Variants in ANKIB1 observed in about 807,000 individuals in gnomAD.
ANKIB1 encodes the protein ankyrin repeat and IBR domain-containing protein 1.
In ANKIB1, 43 loss-of-function variants were observed where a neutral mutation model predicts 122.1. The observed-to-expected ratio is 0.35, with a 90% CI of 0.28 to 0.45. The LOEUF is 0.45. ANKIB1 is among the 20% of genes least tolerant of loss of function. ANKIB1 has a pLI of 1.00. For missense variants in ANKIB1, 992 were observed against 1,329.5 expected, an observed-to-expected ratio of 0.75 and a Z score of 3.95; for synonymous variants, 390 against 442.0, an observed-to-expected ratio of 0.88 and a Z score of 1.48.
At position 92,343,170 on chromosome 7, in the gene ANKIB1, C is replaced by A. The variant is rs747057661; in HGVS notation, c.934C>A (p.Arg312Ser). Residue 312 changes from arginine (R) to serine (S), a missense_variant, in exon 6 of 20, where the codon CGC (arginine) becomes AGC (serine). Coordinates refer to ENST00000265742, the MANE Select transcript of ANKIB1 (RefSeq NM_019004.2). ...ATCTCCAAGAACTCCAAGGACTACA[C>A]GCTCTTCTGTCACCTCCCCAGATGA... ...LPSPRTPRTT[R>S]SSVTSPDEIS... 3 of 1,613,984 alleles carry A rather than the reference C, an allele frequency of 1.9e-6. No individual in the cohort carries two copies. Among genetic ancestry groups the A allele is most frequent in the African/African-American group, 1.3e-5 (1 of 75,046 alleles).
rs889436122 is a variant in ANKIB1, at chr7:92,303,975, G to T, written c.189-3384G>T. Among the ~76,000 whole-genome samples, 3 of 151,930 alleles carry T rather than the reference G, an allele frequency of 2.0e-5. No homozygotes were observed. In the East Asian group the frequency reaches 5.8e-4, roughly 29 times the overall value. On this transcript the variant is annotated intron_variant, in intron 2 of 19. Transcript: ENST00000265742. ...TGGGTTATTAGGGTCACATGAAAGG[G>T]ATGGATTTTTTCCCCAGGTTAATGT...
At chr7:92,374,521 CTT>C (rs998193318) in intron 11 of ANKIB1, among the ~76,000 whole-genome samples, 2 of 151,896 alleles carry the variant, frequency 1.3e-5, no homozygotes, top group African/African-American at 4.8e-5. Context: ...TACAAGATGT[CTT>C]TTAGAAATTT....
intron 4 of ANKIB1, chr7:92,319,825 C>T (rs998074842): frequency 4.3e-6 from 1 of 229,898 alleles, no homozygotes; most frequent in Non-Finnish European, 8.4e-6. Flanking sequence ...GTCCTAACTA[C>T]TCAGGAGGCT....
At chr7:92,324,871 C>T (rs1474844069) in intron 4 of ANKIB1, among the ~76,000 whole-genome samples, 3 of 152,178 alleles carry the variant, frequency 2.0e-5, no homozygotes, top group Non-Finnish European at 4.4e-5. Flanking sequence ...CTGCTAGACA[C>T]TGTTTTAGAT....
intron 17 of ANKIB1, 92 bp downstream of exon 17, chr7:92,392,384 A>T: frequency 8.6e-7 from 1 of 1,157,768 alleles, no homozygotes; most frequent in Non-Finnish European, 1.2e-6. Flanking sequence ...TCCTTCTGAG[A>T]TTATCAGCAG....
At chr7:92,313,407 CTG>C (rs1395353990) in intron 3 of ANKIB1, among the ~76,000 whole-genome samples, 1 of 152,222 alleles carries the variant, frequency 6.6e-6, no homozygotes, top group South Asian at 2.1e-4. Context: ...AGTTTTAAAA[CTG>C]TGTAAAGAAT....
At chr7:92,370,954 G>T (rs1163996102) in intron 10 of ANKIB1, among the ~76,000 whole-genome samples, 3 of 152,168 alleles carry the variant, frequency 2.0e-5, no homozygotes, top group Non-Finnish European at 4.4e-5. Context: ...TGTAATAAAT[G>T]AGATGCTTAG....
chr7:92,267,469 C>T (rs1360904012), intron 1 of ANKIB1, among the ~76,000 whole-genome samples: 1 of 152,124 alleles, frequency 6.6e-6, no homozygotes, highest in African/African-American at 2.4e-5. Flanking sequence ...TAAGGTGAAT[C>T]ATGTAGTATA....
intron 3 of ANKIB1, among the ~76,000 whole-genome samples, chr7:92,318,303 G>C (rs137985176): frequency 1.3e-5 from 2 of 152,178 alleles, no homozygotes; most frequent in East Asian, 3.9e-4. Flanking sequence ...ATCACCTGAA[G>C]TCAGGAGTTC....
chr7:92,355,879 ATAATAATAG>A (rs1166353978), intron 9 of ANKIB1, among the ~76,000 whole-genome samples: 2 of 147,802 alleles, frequency 1.4e-5, no homozygotes, highest in African/African-American at 5.0e-5. Context: ...AATAATAATA[ATAATAATAG>A]TAATAGTAAT....
chr7:92,273,834 A>G (rs546548276), intron 1 of ANKIB1, among the ~76,000 whole-genome samples: 1 of 151,404 alleles, frequency 6.6e-6, no homozygotes, highest in Non-Finnish European at 1.5e-5. Flanking sequence ...GTGCAGTGAC[A>G]TGATCAAAAC....
chr7:92,347,273 G>A (rs1803560595), intron 7 of ANKIB1, among the ~76,000 whole-genome samples: 2 of 147,594 alleles, frequency 1.4e-5, no homozygotes, highest in African/African-American at 5.1e-5. Context: ...AGAACATTAT[G>A]AGTTTTTTTT....
Position 92,391,243 on chromosome 7 carries a change from C to T in ANKIB1, c.2130C>T (p.Ile710=), listed in dbSNP as rs1358018685. The T allele has an allele frequency of 3.1e-6, 5 of 1,613,360 alleles. No homozygotes were observed. Among genetic ancestry groups the T allele is most frequent in the Non-Finnish European group, 4.2e-6 (5 of 1,179,672 alleles). Residue 710 remains isoleucine, a synonymous_variant, in exon 16 of 20, where the codon ATC becomes ATT. Coordinates refer to ENST00000265742, the MANE Select transcript of ANKIB1 (RefSeq NM_019004.2). The part of the protein sequence containing the change: ...RPYLRTPRHK[I]IKAACLVQQK... The stretch of plus-strand genomic sequence containing the variant: ...ACCTTCGCACACCCCGCCACAAGAT[C>T]ATCAAAGCAGCATGCCTTGTACAGC...
chr7:92,293,766 T>C (rs191962684), intron 1 of ANKIB1, among the ~76,000 whole-genome samples: 3 of 152,368 alleles, frequency 2.0e-5, no homozygotes, highest in Non-Finnish European at 2.9e-5. Context: ...GACTCTGAAC[T>C]CTATTCATAC....
At chr7:92,288,159 G>A (rs1388553655) in intron 1 of ANKIB1, among the ~76,000 whole-genome samples, 1 of 150,814 alleles carries the variant, frequency 6.6e-6, no homozygotes, top group African/African-American at 2.4e-5. Flanking sequence ...TATCACATTT[G>A]CAGAATACAG....
At chr7:92,334,625 A>C (rs1457426300) in intron 5 of ANKIB1, among the ~76,000 whole-genome samples, 1 of 152,022 alleles carries the variant, frequency 6.6e-6, no homozygotes, top group Admixed American at 6.5e-5. Flanking sequence ...AATGGCTCTC[A>C]TGATTTTTAT....
intron 5 of ANKIB1, among the ~76,000 whole-genome samples, chr7:92,329,619 G>A (rs1340599879): frequency 6.6e-6 from 1 of 152,136 alleles, no homozygotes; most frequent in East Asian, 1.9e-4. Flanking sequence ...ACAATCTATG[G>A]ATGATCACAG....
intron 10 of ANKIB1, among the ~76,000 whole-genome samples, chr7:92,367,578 C>T (rs1223031488): frequency 6.6e-6 from 1 of 151,722 alleles, no homozygotes; most frequent in East Asian, 1.9e-4. Context: ...TTCTTTATGC[C>T]CAGTTTTCCG....
chr7:92,362,789 A>G (rs1166169701), intron 10 of ANKIB1, among the ~76,000 whole-genome samples: 1 of 152,222 alleles, frequency 6.6e-6, no homozygotes, highest in Non-Finnish European at 1.5e-5. Context: ...CATCACAGAA[A>G]TGATATGAGG....
Sources: allele counts gnomAD v4.1 joint callset (sites outside exome capture counted in the v4.1 genomes callset), GRCh38; gene constraint gnomAD v4.1.1; transcripts MANE v1.5; gene names NCBI Gene and HGNC (gene_info 2026-07-23, HGNC 2026-07-21).